Variants in CMTR1 observed in about 807,000 individuals in gnomAD.
The protein encoded by CMTR1 is cap methyltransferase 1.
Under a neutral mutation model 107.0 loss-of-function variants are expected in CMTR1, and 39 were observed. That is an observed-to-expected ratio of 0.36 (90% CI 0.28 to 0.48). CMTR1 has a LOEUF of 0.48. Among genes scored for constraint, CMTR1 ranks in the 20% least tolerant of loss-of-function variants. The pLI, the probability that CMTR1 is intolerant of heterozygous loss-of-function variation, is 0.99. For synonymous variants in CMTR1, 366 were observed against 379.5 expected, an observed-to-expected ratio of 0.96 and a Z score of 0.41; for missense variants, 672 against 1,064.9, an observed-to-expected ratio of 0.63 and a Z score of 5.14.
intron 1 of CMTR1, among the ~76,000 whole-genome samples, chr6:37,434,064 C>G (rs905889704): frequency 6.6e-6 from 1 of 152,182 alleles, no homozygotes; most frequent in African/African-American, 2.4e-5. Flanking sequence ...TAGAAGCAAG[C>G]TCTGTGATGA....
intron 4 of CMTR1, among the ~76,000 whole-genome samples, chr6:37,447,177 T>C (rs1771815653): frequency 6.6e-6 from 1 of 152,232 alleles, no homozygotes; most frequent in African/African-American, 2.4e-5. Flanking sequence ...ACATCTAGCT[T>C]TCTGCATAGT....
At chr6:37,439,307 A>T (rs1236081438) in intron 2 of CMTR1, among the ~76,000 whole-genome samples, 1 of 152,264 alleles carries the variant, frequency 6.6e-6, no homozygotes, top group African/African-American at 2.4e-5. Flanking sequence ...GGAGAGGCAG[A>T]TGAGGTCATT....
rs754356635 is a variant in CMTR1 at position 37,478,467 on chromosome 6, C to T, written c.2212C>T (p.Arg738Cys). 10 of 1,613,920 alleles carry T rather than the reference C, an allele frequency of 6.2e-6. No homozygotes were observed. The highest frequency in any genetic ancestry group is 4.0e-5 in the African/African-American group (3 of 74,884). Residue 738 changes from arginine (R) to cysteine (C), a missense_variant, in exon 22 of 24, where the codon CGT (arginine) becomes TGT (cysteine). Arg to Cys is a radical substitution (Grantham distance 180). Transcript: ENST00000373451. The stretch of plus-strand genomic sequence containing the variant: ...CACCCCAAAGCTCAGCTACACAGGG[C>T]GTGATGACCGGCACTTTGTACCCAT... ...SGTPKLSYTG[R>C]DDRHFVPMGL...
chr6:37,466,147 T>G lies in CMTR1; in HGVS notation c.1505+3139T>G, dbSNP rs193242481. ...TTTTTTTTTTGAAACGGAGTCTTGC[T>G]CTGTTACCAGGCTGGAGTACAGTGG... On this transcript the variant is annotated intron_variant, in intron 13 of 23. Transcript: ENST00000373451. 5.5e-5 allele frequency among the ~76,000 whole-genome samples: 8 copies of G among 146,638 alleles called. No homozygotes were observed. The East Asian group carries it at 1.6e-3, about 30-fold the overall frequency.
At chr6:37,446,723 T>C (rs995604353) in intron 4 of CMTR1, among the ~76,000 whole-genome samples, 2 of 152,210 alleles carry the variant, frequency 1.3e-5, no homozygotes, top group African/African-American at 2.4e-5. Flanking sequence ...ATAAAAACTT[T>C]AATAAATAGT....
chr6:37,440,680 G>A (rs1379055399), intron 2 of CMTR1, among the ~76,000 whole-genome samples: 1 of 152,138 alleles, frequency 6.6e-6, no homozygotes, highest in African/African-American at 2.4e-5. Context: ...CCAAAGTCTG[G>A]TACTGGAATT....
chr6:37,471,023 A>T lies in CMTR1; in HGVS notation c.1508A>T (p.His503Leu). Reference protein sequence around the residue: ...TDYMIRSNESHCSLQIKALAK... With the variant: ...TDYMIRSNESLCSLQIKALAK... ...CAAATAATTTTTTTTTCTTCTAGCC[A>T]CTGTAGTCTGCAGATCAAAGCTCTG... Residue 503 changes from histidine to leucine, a missense_variant and splice_region_variant, in exon 14 of 24, where the codon CAC (histidine) becomes CTC (leucine). Coordinates refer to ENST00000373451, the MANE Select transcript of CMTR1 (RefSeq NM_015050.3). 7.5e-6 allele frequency: 12 copies of T among 1,603,214 alleles called. No individual in the cohort carries two copies. The highest frequency in any genetic ancestry group is 9.4e-6 in the Non-Finnish European group (11 of 1,175,798).
At chr6:37,435,486 G>C (rs765575810) in intron 1 of CMTR1, 138 bp from the exon 2 acceptor site, 74 of 830,218 alleles carry the variant, frequency 8.9e-5, no homozygotes, top group Non-Finnish European at 1.3e-4. Flanking sequence ...TGAGGAAGAG[G>C]CTATTCAAGT....
intron 6 of CMTR1, 48 bp downstream of exon 6, chr6:37,451,925 G>C (rs539473884): frequency 6.8e-7 from 1 of 1,480,680 alleles, no homozygotes; most frequent in East Asian, 2.3e-5. Context: ...TGTGGGAGGT[G>C]ATTTGCTGGA....
In CMTR1 at chr6:37,437,214, A is replaced by AT. The variant is rs34814443; in HGVS notation, c.133+1468dup. Among the ~76,000 whole-genome samples, 1,292 of 139,856 alleles carry AT rather than the reference A, an allele frequency of 9.2e-3. 9 individuals are homozygous for AT. The highest frequency in any genetic ancestry group is 0.014 in the Non-Finnish European group (905 of 63,886). The allele number at this position is 139,856 out of a possible 152,430, so 91.8% of individuals were successfully genotyped here. ...TAAAACATTATGAGATTTTTGGGGG[A>AT]TTTTTTTTTTTTTTTTAAAGCTCAT... On this transcript the variant is annotated intron_variant, in intron 2 of 23. Coordinates refer to ENST00000373451, the MANE Select transcript of CMTR1 (RefSeq NM_015050.3).
At chr6:37,478,640 C>A in intron 22 of CMTR1, 119 bp downstream of exon 22, 1 of 761,756 alleles carries the variant, frequency 1.3e-6, no homozygotes, top group Non-Finnish European at 2.3e-6. Flanking sequence ...GGGTAGCAGC[C>A]AGGCTGGCAT....
intron 5 of CMTR1, among the ~76,000 whole-genome samples, chr6:37,451,209 T>C (rs1761160877): frequency 6.6e-6 from 1 of 152,238 alleles, no homozygotes; most frequent in South Asian, 2.1e-4. Context: ...ATTACCTGTC[T>C]ATTATCTATC....
the CMTR1 span, among the ~76,000 whole-genome samples, chr6:37,427,083 G>C: frequency 6.6e-6 from 1 of 152,162 alleles, no homozygotes; most frequent in Non-Finnish European, 1.5e-5. This position sits in a 1 kb window ranked among gnomAD's most constrained non-coding sequence, Gnocchi z 4.4. Context: ...CATGTGCACC[G>C]CTGTCTGCCA....
At chr6:37,461,029 G>C (rs1051538618) in intron 10 of CMTR1, among the ~76,000 whole-genome samples, 6 of 152,168 alleles carry the variant, frequency 3.9e-5, no homozygotes, top group Non-Finnish European at 8.8e-5. Context: ...GACAGGAAAG[G>C]GGGTATTGTA....
At chr6:37,467,657 A>G (rs62406514) in intron 13 of CMTR1, among the ~76,000 whole-genome samples, 5 of 152,202 alleles carry the variant, frequency 3.3e-5, no homozygotes, top group Non-Finnish European at 7.3e-5. Context: ...GCACATGTAC[A>G]TTTAAGATAG....
chr6:37,455,145 C>T (rs1003435266), intron 8 of CMTR1, among the ~76,000 whole-genome samples: 5 of 150,366 alleles, frequency 3.3e-5, no homozygotes, highest in African/African-American at 7.4e-5. Context: ...AGTGCGATGG[C>T]GCGATCTCAG....
At chr6:37,475,511 C>CTGCTTGT (rs1761719921) in intron 19 of CMTR1, 99 bp downstream of exon 19, 1 of 961,532 alleles carries the variant, frequency 1.0e-6, no homozygotes, top group Non-Finnish European at 1.6e-6. Context: ...TAGGCCTTCT[C>CTGCTTGT]TGCTTGTTGA....
chr6:37,467,488 T>C (rs1348797115), intron 13 of CMTR1, among the ~76,000 whole-genome samples: 1 of 152,226 alleles, frequency 6.6e-6, no homozygotes, highest in Non-Finnish European at 1.5e-5. Flanking sequence ...AGTTGGTTCA[T>C]AGTGTTTTTC....
chr6:37,456,592 T>C (rs1271493967), intron 8 of CMTR1, among the ~76,000 whole-genome samples: 1 of 152,192 alleles, frequency 6.6e-6, no homozygotes, highest in Non-Finnish European at 1.5e-5. Flanking sequence ...CCCTAAAGCT[T>C]TCTGATCGTT....
Sources: gnomAD v4.1 joint callset for allele counts (sites outside exome capture counted in the v4.1 genomes callset) on GRCh38, gnomAD v4.1.1 for gene constraint, Gnocchi (gnomAD v3.1) non-coding constraint, MANE v1.5 for transcripts, NCBI Gene and HGNC (gene_info 2026-07-23, HGNC 2026-07-21) for gene names.